The following AZI2 variants were observed in gnomAD, a reference collection of about 807,000 sequenced individuals.
AZI2 encodes the protein 5-azacytidine induced 2.
Under a neutral mutation model 45.8 loss-of-function variants are expected in AZI2, and 22 were observed. The ratio of observed to expected loss-of-function variants is 0.48; its 90% CI spans 0.34 to 0.69. The LOEUF is 0.69. AZI2 is among the 30% of genes least tolerant of loss of function. AZI2 has a pLI of 0.01. For synonymous variants in AZI2, 137 were observed against 156.7 expected (o/e 0.87, Z 0.94); for missense variants, 417 against 441.5 (o/e 0.94, Z 0.50).
intron 5 of AZI2, among the ~76,000 whole-genome samples, chr3:28,334,943 T>C (rs1260566942): frequency 6.6e-6 from 1 of 151,778 alleles, no homozygotes; most frequent in Non-Finnish European, 1.5e-5. Flanking sequence ...ATCAGGAGCA[T>C]AAAACTGTGT....
At chr3:28,338,273 C>T (rs17696025) in intron 3 of AZI2, among the ~76,000 whole-genome samples, 32,319 of 150,326 alleles carry the variant, frequency 0.21, 4,127 homozygotes, top group Middle Eastern at 0.29. Flanking sequence ...CAAAATAAGT[C>T]GGTGGTGTTA....
At chr3:28,340,265 G>A in intron 2 of AZI2, 137 bp downstream of exon 2, 2 of 628,924 alleles carry the variant, frequency 3.2e-6, no homozygotes, top group South Asian at 4.1e-5. Flanking sequence ...AATGCCCAGA[G>A]TTTTCAGATT....
chr3:28,338,463 G>T, intron 3 of AZI2, 30 bp downstream of exon 3: 1 of 1,497,902 alleles, frequency 6.7e-7, no homozygotes. Context: ...TTTCCAAAAT[G>T]CAGATGTCAT....
At chr3:28,330,931 G>C (rs192911141) in intron 6 of AZI2, among the ~76,000 whole-genome samples, 2 of 151,324 alleles carry the variant, frequency 1.3e-5, no homozygotes, top group Admixed American at 6.6e-5. Flanking sequence ...AGAATTGCGA[G>C]ACTATACTCT....
intron 1 of AZI2, among the ~76,000 whole-genome samples, chr3:28,345,162 T>C (rs1222287507): frequency 6.6e-6 from 1 of 152,114 alleles, no homozygotes; most frequent in Non-Finnish European, 1.5e-5. Context: ...GGTGAAAAAC[T>C]GCAAAGTGCA....
At chr3:28,334,409 A>T (rs1458307578) in intron 5 of AZI2, among the ~76,000 whole-genome samples, 1 of 151,954 alleles carries the variant, frequency 6.6e-6, no homozygotes, top group Non-Finnish European at 1.5e-5. Context: ...TCAAGATTTC[A>T]ACTTGGAATC....
chr3:28,337,082 T>C, intron 4 of AZI2, 197 bp from the exon 5 acceptor site: 1 of 539,622 alleles, frequency 1.9e-6, no homozygotes, highest in Non-Finnish European at 3.1e-6. Flanking sequence ...TCTAGCAATC[T>C]TGTTTTAGAA....
Position 28,332,440 on chromosome 3 carries a change from T to TA in AZI2, c.589-14dup, listed in dbSNP as rs1449178643. ...CCTGATATGGATCCTGTCATTTGTT[T>TA]AAAAAAAAGAAGTTTAAAAGTTGTA... On this transcript the variant is annotated splice_polypyrimidine_tract_variant and intron_variant, in intron 5 of 7. Coordinates refer to ENST00000479665, the MANE Select transcript of AZI2 (RefSeq NM_022461.5). 3.4e-5 allele frequency: 54 copies of TA among 1,601,034 alleles called. No individual in the cohort carries two copies. The highest frequency in any genetic ancestry group is 1.5e-4 in the South Asian group (14 of 90,476).
chr3:28,347,670 C>G (rs1041294237), intron 1 of AZI2, among the ~76,000 whole-genome samples: 1 of 152,162 alleles, frequency 6.6e-6, no homozygotes, highest in East Asian at 1.9e-4. Context: ...GTTATGCTGT[C>G]TCTTTAATAT....
chr3:28,329,844 AAAAC>A (rs1703511928), intron 6 of AZI2, among the ~76,000 whole-genome samples: 2 of 151,272 alleles, frequency 1.3e-5, no homozygotes, highest in South Asian at 4.2e-4. Context: ...CAACCCAAAG[AAAAC>A]AAGTTCTAAG....
rs1703215522 is a variant in AZI2, at chr3:28,322,474, G to A, written c.*1568C>T. The A allele has an allele frequency of 6.6e-6, 1 of 151,434 alleles. No homozygotes were observed. The highest frequency in any genetic ancestry group is 2.4e-5 in the African/African-American group (1 of 41,262). The allele number at this position is 151,434 out of a possible 1,614,324, so 9.4% of individuals were successfully genotyped here. A position where few individuals can be genotyped will look rare whatever the true frequency, so the allele number is the denominator to read the frequency against. On this transcript the variant is annotated 3_prime_UTR_variant, in exon 8 of 8. Coordinates refer to ENST00000479665, the MANE Select transcript of AZI2 (RefSeq NM_022461.5). ...TTACAAAGGAAAATTTCCAATTTTG[G>A]TTTTAAAAAAGGCAAACCAGTAAGC...
At chr3:28,331,509 C>G (rs1027062768) in intron 6 of AZI2, among the ~76,000 whole-genome samples, 2 of 151,504 alleles carry the variant, frequency 1.3e-5, no homozygotes, top group Non-Finnish European at 3.0e-5. Context: ...ACTGCTGGCA[C>G]TTTATAGAAA....
rs1703213897 is a variant in AZI2, at chr3:28,322,426, T to C, written c.*1616A>G. 6.6e-6 allele frequency: 1 copy of C among 151,668 alleles called. No individual in the cohort carries two copies. The highest frequency in any genetic ancestry group is 2.1e-4 in the South Asian group (1 of 4,834). 9.4% of individuals were successfully genotyped at this position (151,668 alleles called of 1,614,324 possible). A position where few individuals can be genotyped will look rare whatever the true frequency, so the allele number is the denominator to read the frequency against. On this transcript the variant is annotated 3_prime_UTR_variant, in exon 8 of 8. Transcript: ENST00000479665. ...ATTGTTCAAAACATTAATCAAGCAA[T>C]TATCTCATAAGACTTTTTTTCTTTA... is the stretch of plus-strand genomic sequence containing the variant.
chr3:28,326,220 C>T (rs1485697955), intron 7 of AZI2, among the ~76,000 whole-genome samples: 2 of 150,938 alleles, frequency 1.3e-5, no homozygotes, highest in African/African-American at 4.8e-5. Flanking sequence ...GTAGCTACTA[C>T]TAGTTAACAC....
chr3:28,332,428 C>T lies in AZI2; in HGVS notation c.589-1G>A, dbSNP rs1238014301. 1.2e-6 allele frequency: 2 copies of T among 1,606,206 alleles called. No homozygotes were observed. The highest frequency in any genetic ancestry group is 1.7e-6 in the Non-Finnish European group (2 of 1,174,876). Reference sequence around the variant, plus strand: ...TCAGATTGTCTTCCTGATATGGATCCTGTCATTTGTTTAAAAAAAAGAAGT... The same window carrying T: ...TCAGATTGTCTTCCTGATATGGATCTTGTCATTTGTTTAAAAAAAAGAAGT... On this transcript the variant is annotated splice_acceptor_variant, in intron 5 of 7. Coordinates refer to ENST00000479665, the MANE Select transcript of AZI2 (RefSeq NM_022461.5). LOFTEE classifies it high-confidence loss of function.
At chr3:28,347,610 A>C (rs1704305994) in intron 1 of AZI2, among the ~76,000 whole-genome samples, 1 of 152,224 alleles carries the variant, frequency 6.6e-6, no homozygotes, top group African/African-American at 2.4e-5. Flanking sequence ...TGGAAAAATC[A>C]GCATTCAGAT....
At chr3:28,333,174 T>C (rs990845760) in intron 5 of AZI2, among the ~76,000 whole-genome samples, 2 of 151,828 alleles carry the variant, frequency 1.3e-5, no homozygotes, top group Admixed American at 6.6e-5. Context: ...AATTTTATTA[T>C]TTCTTACTAA....
intron 6 of AZI2, chr3:28,331,832 T>C (rs1398655200): frequency 6.5e-7 from 1 of 1,542,134 alleles, no homozygotes; most frequent in Admixed American, 2.0e-5. Flanking sequence ...GGAAAAAGGG[T>C]TGAAAAAGTA....
At chr3:28,343,189 G>C (rs1704091966) in intron 1 of AZI2, among the ~76,000 whole-genome samples, 1 of 151,996 alleles carries the variant, frequency 6.6e-6, no homozygotes, top group South Asian at 2.1e-4. Flanking sequence ...GGGGTCTGAG[G>C]GATGGGGAGA....
Sources: gnomAD v4.1 joint callset for allele counts (sites outside exome capture counted in the v4.1 genomes callset) on GRCh38, gnomAD v4.1.1 for gene constraint, MANE v1.5 for transcripts, NCBI Gene and HGNC (gene_info 2026-07-23, HGNC 2026-07-21) for gene names.